The following ZNF827 variants were observed in gnomAD, a reference collection of about 807,000 sequenced individuals.
ZNF827 encodes zinc finger protein 827.
Under a neutral mutation model 102.4 loss-of-function variants are expected in ZNF827, and 13 were observed. That is an observed-to-expected ratio of 0.13 (90% CI 0.08 to 0.20). The LOEUF (loss-of-function observed/expected upper bound fraction) is 0.20. Ranked by LOEUF, ZNF827 falls within the 10% of genes least tolerant of loss-of-function variation. The pLI, the probability that ZNF827 is intolerant of heterozygous loss-of-function variation, is 1.00. For synonymous variants in ZNF827, 523 were observed against 536.2 expected (o/e 0.98, Z 0.34); for missense variants, 1,103 against 1,344.4 (o/e 0.82, Z 2.81).
intron 11 of ZNF827, among the ~76,000 whole-genome samples, chr4:145,770,299 A>AAAATAAAT (rs150231954): frequency 0.013 from 1,153 of 87,234 alleles, 9 homozygotes; most frequent in Non-Finnish European, 0.018. Flanking sequence ...ACCCTGTCTT[A>AAAATAAAT]AAATAAATAA....
At chr4:145,907,309 T>C (rs1054345175) in intron 1 of ZNF827, 34 of 435,510 alleles carry the variant, frequency 7.8e-5, no homozygotes, top group Admixed American at 5.3e-4. Flanking sequence ...GCTCTCCTTC[T>C]GCAGAGTGTA....
intron 9 of ZNF827, among the ~76,000 whole-genome samples, chr4:145,779,150 T>G (rs1268300786): frequency 6.6e-6 from 1 of 152,238 alleles, no homozygotes; most frequent in Admixed American, 6.5e-5. Flanking sequence ...CTAAATTGTG[T>G]ATATTTTCTC....
intron 8 of ZNF827, among the ~76,000 whole-genome samples, chr4:145,780,924 C>T (rs1229529619): frequency 1.3e-5 from 2 of 152,168 alleles, no homozygotes. Context: ...ACGCTGGGTG[C>T]AGTGGCTCAA....
At chr4:145,781,218 G>GA (rs1560914681) in intron 8 of ZNF827, among the ~76,000 whole-genome samples, 102 of 70,754 alleles carry the variant, frequency 1.4e-3, no homozygotes, top group Non-Finnish European at 1.9e-3. Context: ...AAAAAAAAAA[G>GA]AAAAAAAAAG....
chr4:145,803,463 C>A (rs1741115788), intron 8 of ZNF827, among the ~76,000 whole-genome samples: 1 of 151,770 alleles, frequency 6.6e-6, no homozygotes, highest in African/African-American at 2.4e-5. Context: ...GTATCAGGAT[C>A]ATTCTTAGTT....
chr4:145,807,954 T>G (rs533764882), intron 8 of ZNF827, among the ~76,000 whole-genome samples: 1 of 152,230 alleles, frequency 6.6e-6, no homozygotes, highest in South Asian at 2.1e-4. Flanking sequence ...AATTAACATT[T>G]TCATAAAAAT....
chr4:145,921,426 G>A (rs2126963969), intron 1 of ZNF827, among the ~76,000 whole-genome samples: 1 of 145,230 alleles, frequency 6.9e-6, no homozygotes, highest in Middle Eastern at 3.6e-3. Context: ...GTGGAGACTG[G>A]ATTACAGAGG....
intron 8 of ZNF827, among the ~76,000 whole-genome samples, chr4:145,795,108 C>T (rs576350929): frequency 9.9e-5 from 15 of 152,236 alleles, no homozygotes; most frequent in Admixed American, 6.5e-5. Context: ...CACAGGGTCA[C>T]GCCAAGTCAG....
chr4:145,872,485 A>C (rs1338886175), intron 4 of ZNF827, among the ~76,000 whole-genome samples: 1 of 152,148 alleles, frequency 6.6e-6, no homozygotes. Context: ...GAGAGAAATA[A>C]ATCTGTTATT....
intron 5 of ZNF827, among the ~76,000 whole-genome samples, chr4:145,858,134 AGTGTGTGTGTGTGTGTGTGTGTGT>A (rs10553157): frequency 6.8e-6 from 1 of 146,996 alleles, no homozygotes. Context: ...TGCATGTGTG[AGTGTGTGTGTGTGTGTGTGTGTGT>A]GTGTGTGTGT....
At chr4:145,819,957 G>T (rs2126469306) in intron 8 of ZNF827, 1 of 152,386 alleles carries the variant, frequency 6.6e-6, no homozygotes, top group South Asian at 2.1e-4. Context: ...GACGGTGGCA[G>T]CTGTGAGTTT....
At chr4:145,870,957 A>G (rs1748630966) in intron 4 of ZNF827, among the ~76,000 whole-genome samples, 1 of 152,200 alleles carries the variant, frequency 6.6e-6, no homozygotes. Flanking sequence ...CAAACAGAAA[A>G]GCTCAGACTA....
At chr4:145,833,232 C>T (rs927822667) in intron 7 of ZNF827, 39 of 154,320 alleles carry the variant, frequency 2.5e-4, no homozygotes, top group East Asian at 1.9e-3. Flanking sequence ...TCAATCTTGG[C>T]GCCACAATTC....
chr4:145,822,685 G>T (rs1337624205), intron 8 of ZNF827, among the ~76,000 whole-genome samples: 1 of 152,082 alleles, frequency 6.6e-6, no homozygotes, highest in African/African-American at 2.4e-5. Context: ...GGTGGTGGGC[G>T]GGGTGGGTAT....
intron 8 of ZNF827, among the ~76,000 whole-genome samples, chr4:145,809,593 G>A (rs535491818): frequency 1.3e-5 from 2 of 152,168 alleles, no homozygotes; most frequent in South Asian, 4.1e-4. Flanking sequence ...GTGGCCAGAG[G>A]TCACAAGATG....
At chr4:145,877,341 T>C (rs1257633345) in intron 4 of ZNF827, among the ~76,000 whole-genome samples, 1 of 152,192 alleles carries the variant, frequency 6.6e-6, no homozygotes, top group African/African-American at 2.4e-5. Context: ...TTCAGCACTA[T>C]GATGTGCTTT....
At chr4:145,777,462 A>G (rs1268534308) in intron 9 of ZNF827, among the ~76,000 whole-genome samples, 1 of 152,164 alleles carries the variant, frequency 6.6e-6, no homozygotes, top group African/African-American at 2.4e-5. Flanking sequence ...AATTTTTCCA[A>G]AATTTCTCTT....
chr4:145,879,190 T>G (rs1168134492), intron 4 of ZNF827, among the ~76,000 whole-genome samples: 2 of 152,136 alleles, frequency 1.3e-5, no homozygotes, highest in South Asian at 4.1e-4. Flanking sequence ...CAGAGCTGAA[T>G]CCTTGCTCTG....
intron 8 of ZNF827, among the ~76,000 whole-genome samples, chr4:145,809,572 T>G (rs1439961895): frequency 2.0e-5 from 3 of 152,202 alleles, no homozygotes; most frequent in African/African-American, 7.2e-5. Context: ...CCCTTACTGC[T>G]CAGGAGTCAC....
Sources: allele counts gnomAD v4.1 joint callset (sites outside exome capture counted in the v4.1 genomes callset), GRCh38; gene constraint gnomAD v4.1.1; transcripts MANE v1.5; gene names NCBI Gene and HGNC (gene_info 2026-07-23, HGNC 2026-07-21).